The following JAKMIP1 variants were observed in gnomAD, a reference collection of about 807,000 sequenced individuals.
JAKMIP1 encodes the protein janus kinase and microtubule interacting protein 1.
A neutral mutation model predicts 113.0 loss-of-function variants in JAKMIP1; 33 were observed. That is an observed-to-expected ratio of 0.29 (90% CI 0.22 to 0.39). The LOEUF is 0.39. Ranked by LOEUF, JAKMIP1 falls within the 10% of genes least tolerant of loss-of-function variation. The pLI, the probability that JAKMIP1 is intolerant of heterozygous loss-of-function variation, is 1.00. For synonymous variants in JAKMIP1, 480 were observed against 459.9 expected, an observed-to-expected ratio of 1.04 and a Z score of -0.56; for missense variants, 813 against 1,080.5, an observed-to-expected ratio of 0.75 and a Z score of 3.47.
intron 1 of JAKMIP1, among the ~76,000 whole-genome samples, chr4:6,195,057 G>A (rs1357163399): frequency 1.3e-5 from 2 of 152,242 alleles, no homozygotes; most frequent in African/African-American, 4.8e-5. Flanking sequence ...ACCGAGGGAT[G>A]TGCAGGGACC....
chr4:6,113,296 C>T (rs534213562), intron 1 of JAKMIP1, among the ~76,000 whole-genome samples: 2 of 152,338 alleles, frequency 1.3e-5, no homozygotes, highest in South Asian at 2.1e-4. Flanking sequence ...CAGGATGAGA[C>T]CAGCCCATCT....
chr4:6,192,026 G>A lies in JAKMIP1; in HGVS notation c.-148+8227C>T, dbSNP rs1309540743. 2.6e-5 allele frequency among the ~76,000 whole-genome samples: 4 copies of A among 151,768 alleles called. No homozygotes were observed. Among genetic ancestry groups the A allele is most frequent in the Non-Finnish European group, 4.4e-5 (3 of 67,994 alleles). On this transcript the variant is annotated intron_variant, in intron 1 of 20. Transcript: ENST00000409021. The surrounding 1 kb of genome is among the most constrained non-coding windows in gnomAD (Gnocchi z 5.0). ...TGGCTCATTACAACCTCCGCCTCCCGGGTTTGAGCTATTCTCCTGCCTCAG... is the reference window on the plus strand; with the variant it reads ...TGGCTCATTACAACCTCCGCCTCCCAGGTTTGAGCTATTCTCCTGCCTCAG...
At chr4:6,078,900 C>G (rs756891779) in intron 8 of JAKMIP1, 39 bp downstream of exon 8, 6 of 1,610,326 alleles carry the variant, frequency 3.7e-6, no homozygotes, top group Admixed American at 3.3e-5. Context: ...ATCCGTGACA[C>G]AGCGGCAAGG....
At chr4:6,161,020 T>C (rs1722858973) in intron 1 of JAKMIP1, among the ~76,000 whole-genome samples, 1 of 127,334 alleles carries the variant, frequency 7.9e-6, no homozygotes, top group South Asian at 2.7e-4. Context: ...TCACCTCCAC[T>C]CACCTCCCTG....
intron 1 of JAKMIP1, among the ~76,000 whole-genome samples, chr4:6,171,909 T>A (rs768963267): frequency 6.6e-6 from 1 of 152,240 alleles, no homozygotes. Context: ...ATGTGTATAT[T>A]CTTGCAAAGC....
chr4:6,098,519 GAAGA>G (rs1365535972), intron 3 of JAKMIP1, among the ~76,000 whole-genome samples: 2 of 102,414 alleles, frequency 2.0e-5, no homozygotes, highest in Non-Finnish European at 3.8e-5. Context: ...AGGAAGGAAG[GAAGA>G]AAGAGAGAGA....
chr4:6,026,680 G>A (rs1711864634), intron 20 of JAKMIP1, among the ~76,000 whole-genome samples: 1 of 151,490 alleles, frequency 6.6e-6, no homozygotes, highest in Non-Finnish European at 1.5e-5. Flanking sequence ...GGCGTGATGT[G>A]TGCACCGAAG....
chr4:6,100,864 A>G (rs143439882), intron 3 of JAKMIP1, among the ~76,000 whole-genome samples: 10 of 152,232 alleles, frequency 6.6e-5, no homozygotes, highest in Non-Finnish European at 1.5e-4. Flanking sequence ...TCATTTAATT[A>G]TCCTGTTTTT....
rs1292198348 is a variant in JAKMIP1, at chr4:6,067,155, A to T, written c.1303-2147T>A. 1.3e-5 allele frequency among the ~76,000 whole-genome samples: 2 copies of T among 152,134 alleles called. No individual in the cohort carries two copies. Among genetic ancestry groups the T allele is most frequent in the African/African-American group, 4.8e-5 (2 of 41,422 alleles). ...ATCTGGCAAGCTATTGTGTTTACTG[A>T]TGGTCTTCCCCCTACCCCTTGAAAT... On this transcript the variant is annotated intron_variant, in intron 8 of 20. Coordinates refer to ENST00000409021, the MANE Select transcript of JAKMIP1 (RefSeq NM_001099433.2). This position sits in a 1 kb window ranked among gnomAD's most constrained non-coding sequence, Gnocchi z 4.6.
At chr4:6,148,795 C>G (rs958517929) in intron 1 of JAKMIP1, among the ~76,000 whole-genome samples, 6 of 152,274 alleles carry the variant, frequency 3.9e-5, no homozygotes, top group African/African-American at 1.4e-4. Flanking sequence ...CGTCTGCCAG[C>G]ATGACCACAG....
At chr4:6,082,669 A>AT (rs1318662152) in intron 5 of JAKMIP1, among the ~76,000 whole-genome samples, 2 of 151,938 alleles carry the variant, frequency 1.3e-5, no homozygotes, top group East Asian at 3.9e-4. Flanking sequence ...CACCCAGCTA[A>AT]TTTTTTTGTA....
chr4:6,157,291 G>C lies in JAKMIP1; in HGVS notation c.-148+42962C>G, dbSNP rs572315452. ...ATAGCAACACAAAATGGACTAAGAC[G>C]AGTGCACCTGGGCAGGTTACTCCCT... On this transcript the variant is annotated intron_variant, in intron 1 of 20. Coordinates refer to ENST00000409021, the MANE Select transcript of JAKMIP1 (RefSeq NM_001099433.2). This position sits in a 1 kb window ranked among gnomAD's most constrained non-coding sequence, Gnocchi z 4.7. Among the ~76,000 whole-genome samples, 1 of 152,060 alleles carries C rather than the reference G, an allele frequency of 6.6e-6. No homozygotes were observed. The highest frequency in any genetic ancestry group is 1.5e-5 in the Non-Finnish European group (1 of 68,030).
At chr4:6,146,535 C>A (rs62282962) in intron 1 of JAKMIP1, among the ~76,000 whole-genome samples, 4,440 of 152,292 alleles carry the variant, frequency 0.029, 154 homozygotes, top group Admixed American at 0.094. Context: ...CTCAAGCGAT[C>A]CTCCCGCCTC....
chr4:6,098,149 C>T (rs1392621437), intron 3 of JAKMIP1, among the ~76,000 whole-genome samples: 2 of 152,158 alleles, frequency 1.3e-5, no homozygotes, highest in Non-Finnish European at 2.9e-5. Context: ...AAACATTCCT[C>T]GTCGCGTGCG....
intron 13 of JAKMIP1, among the ~76,000 whole-genome samples, chr4:6,052,320 T>C (rs1715760480): frequency 6.6e-6 from 1 of 152,108 alleles, no homozygotes; most frequent in Non-Finnish European, 1.5e-5. Context: ...ATAGAAAAAG[T>C]GGCCCCCAAA....
chr4:6,115,583 A>G (rs970387426), intron 1 of JAKMIP1, among the ~76,000 whole-genome samples: 3 of 152,208 alleles, frequency 2.0e-5, no homozygotes, highest in Non-Finnish European at 2.9e-5. Context: ...CCCCCAGGAT[A>G]CTGACAGGGA....
rs1020415304 is a variant in JAKMIP1, at chr4:6,059,588, C to T, written c.1644+836G>A. 2.0e-5 allele frequency among the ~76,000 whole-genome samples: 3 copies of T among 152,124 alleles called. No individual in the cohort carries two copies. The highest frequency in any genetic ancestry group is 2.9e-5 in the Non-Finnish European group (2 of 68,010). On this transcript the variant is annotated intron_variant, in intron 11 of 20. Coordinates refer to ENST00000409021, the MANE Select transcript of JAKMIP1 (RefSeq NM_001099433.2). This position sits in a 1 kb window ranked among gnomAD's most constrained non-coding sequence, Gnocchi z 4.8. The stretch of plus-strand genomic sequence containing the variant: ...GGCACCCTCACTGTTAGTGGGGCCA[C>T]GTGACTGATGAATTTTGCTGAGGCA...
In JAKMIP1 at chr4:6,181,007, G is replaced by C. The variant is rs2109040514; in HGVS notation, c.-148+19246C>G. 6.6e-6 allele frequency among the ~76,000 whole-genome samples: 1 copy of C among 152,118 alleles called. No individual in the cohort carries two copies. The highest frequency in any genetic ancestry group is 2.1e-4 in the South Asian group (1 of 4,786). ...ATCAGGTCGTTTCTGTCTCACCTCT[G>C]CTGAAATGAGTCAAGAGACTAGCAA... is the stretch of plus-strand genomic sequence containing the variant. On this transcript the variant is annotated intron_variant, in intron 1 of 20. Transcript: ENST00000409021. The surrounding 1 kb of genome is among the most constrained non-coding windows in gnomAD (Gnocchi z 5.4).
In JAKMIP1 at chr4:6,049,062, C is replaced by T; in HGVS notation, c.1963-140G>A. 3 of 669,258 alleles carry T rather than the reference C, an allele frequency of 4.5e-6. No individual in the cohort carries two copies. Among genetic ancestry groups the T allele is most frequent in the Non-Finnish European group, 7.9e-6 (3 of 380,872 alleles). The allele number at this position is 669,258 out of a possible 1,614,324, so 41.5% of individuals were successfully genotyped here. On this transcript the variant is annotated intron_variant, in intron 15 of 20. Coordinates refer to ENST00000409021, the MANE Select transcript of JAKMIP1 (RefSeq NM_001099433.2). This position sits in a 1 kb window ranked among gnomAD's most constrained non-coding sequence, Gnocchi z 7.0. ...GTTTGTTTTGAGACGGAGTCTCTCT[C>T]TGTCACCTGGGTTTGAGTGCAGTGG...
Sources: gnomAD v4.1 joint callset for allele counts (sites outside exome capture counted in the v4.1 genomes callset) on GRCh38, gnomAD v4.1.1 for gene constraint, Gnocchi (gnomAD v3.1) non-coding constraint, MANE v1.5 for transcripts, NCBI Gene and HGNC (gene_info 2026-07-23, HGNC 2026-07-21) for gene names.